Variants in TULP4 observed in about 807,000 individuals in gnomAD.
TULP4 encodes the protein tubby-related protein 4.
A neutral mutation model predicts 129.0 loss-of-function variants in TULP4; 16 were observed. The observed-to-expected ratio is 0.12, with a 90% CI of 0.08 to 0.19. TULP4 has a LOEUF of 0.19. Among genes scored for constraint, TULP4 ranks in the 10% least tolerant of loss-of-function variants. TULP4 has a pLI of 1.00. For missense variants in TULP4, 1,842 were observed against 2,059.1 expected (o/e 0.89, Z 2.04); for synonymous variants, 998 against 854.0 (o/e 1.17, Z -2.94).
Position 158,510,238 on chromosome 6 carries a change from G to T in TULP4, c.*3544G>T, listed in dbSNP as rs1393013402. ...ATAAATCAAAGAATTTCACAGGCTA[G>T]TGTTTTTATCCATAGCCATTGCTCC... On this transcript the variant is annotated 3_prime_UTR_variant, in exon 14 of 14. Transcript: ENST00000367097. 6.6e-6 allele frequency: 1 copy of T among 152,620 alleles called. No homozygotes were observed. The highest frequency in any genetic ancestry group is 1.5e-5 in the Non-Finnish European group (1 of 68,050). The allele number at this position is 152,620 out of a possible 1,614,324, so 9.5% of individuals were successfully genotyped here. A position where few individuals can be genotyped will look rare whatever the true frequency, so the allele number is the denominator to read the frequency against.
In TULP4 at chr6:158,434,391, C is replaced by T. The variant is rs549844681; in HGVS notation, c.543+4494C>T. Among the ~76,000 whole-genome samples the T allele has an allele frequency of 2.0e-5, 3 of 152,110 alleles. No individual in the cohort carries two copies. The South Asian group carries it at 6.2e-4, about 32-fold the overall frequency. On this transcript the variant is annotated intron_variant, in intron 3 of 13. Transcript: ENST00000367097. ...AGGTTTTATAGGGCTTGGGAGCAAA[C>T]CAGAATGACACAAAGAGAAAATGTC...
intron 1 of TULP4, among the ~76,000 whole-genome samples, chr6:158,363,062 C>A (rs1291499412): frequency 2.7e-3 from 240 of 87,822 alleles, no homozygotes; most frequent in Middle Eastern, 5.7e-3. Context: ...GACTCCATCT[C>A]AAAAAAAAAA....
intron 1 of TULP4, among the ~76,000 whole-genome samples, chr6:158,348,564 A>G (rs1209293169): frequency 2.0e-5 from 3 of 152,264 alleles, no homozygotes; most frequent in African/African-American, 7.2e-5. Context: ...GGAGTCTCCT[A>G]TGTCTCCTTC....
chr6:158,478,607 A>G (rs1193987466), intron 6 of TULP4, among the ~76,000 whole-genome samples: 1 of 152,126 alleles, frequency 6.6e-6, no homozygotes, highest in Non-Finnish European at 1.5e-5. Context: ...TTGGCCAACA[A>G]ACACGGCCCT....
intron 1 of TULP4, among the ~76,000 whole-genome samples, chr6:158,317,899 TG>T (rs1779526728): frequency 6.6e-6 from 1 of 152,250 alleles, no homozygotes; most frequent in South Asian, 2.1e-4. Context: ...TGCATTTCTC[TG>T]ATGACCAGTG....
chr6:158,283,138 C>CAA (rs11328037), intron 1 of TULP4, among the ~76,000 whole-genome samples: 2 of 120,412 alleles, frequency 1.7e-5, no homozygotes, highest in African/African-American at 6.4e-5. Flanking sequence ...GACTCCGTCT[C>CAA]AAAAAAAAAA....
At position 158,479,624 on chromosome 6, in the gene TULP4, T is replaced by C. The variant is rs1779893903; in HGVS notation, c.1027-127T>C. 17 of 837,876 alleles carry C rather than the reference T, an allele frequency of 2.0e-5. No homozygotes were observed. In the South Asian group the frequency reaches 2.9e-4, roughly 14 times the overall value. 51.9% of individuals were successfully genotyped at this position (837,876 alleles called of 1,614,324 possible). A position where few individuals can be genotyped will look rare whatever the true frequency, so the allele number is the denominator to read the frequency against. On this transcript the variant is annotated intron_variant, in intron 6 of 13. Transcript: ENST00000367097. ...TAATATAGTGTCTAACATTCTCTACTGTGCTTTTAAAACCAGTATTCTCAA... is the reference window on the plus strand; with the variant it reads ...TAATATAGTGTCTAACATTCTCTACCGTGCTTTTAAAACCAGTATTCTCAA...
intron 5 of TULP4, among the ~76,000 whole-genome samples, chr6:158,460,558 C>A (rs1389862426): frequency 6.6e-6 from 1 of 152,094 alleles, no homozygotes; most frequent in Admixed American, 6.5e-5. Flanking sequence ...CTTTTAATAA[C>A]CATTTCTTAT....
intron 3 of TULP4, among the ~76,000 whole-genome samples, chr6:158,440,390 A>G (rs1460039276): frequency 6.6e-6 from 1 of 151,712 alleles, no homozygotes; most frequent in African/African-American, 2.4e-5. Flanking sequence ...TCTACACTGG[A>G]AACCCTTACT....
rs1466388341 is a variant in TULP4 at position 158,419,166 on chromosome 6, A to G, written c.381+5973A>G. Among the ~76,000 whole-genome samples the G allele has an allele frequency of 2.6e-5, 4 of 152,256 alleles. No individual in the cohort carries two copies. The East Asian group carries it at 7.7e-4, about 29-fold the overall frequency. On this transcript the variant is annotated intron_variant, in intron 2 of 13. Coordinates refer to ENST00000367097, the MANE Select transcript of TULP4 (RefSeq NM_020245.5). ...TTTTTTCAGTAATCTCAGACCAGCT[A>G]TTCAAGAGCTATCTCACAAACCATG...
intron 1 of TULP4, among the ~76,000 whole-genome samples, chr6:158,343,568 A>C (rs1382096519): frequency 6.6e-6 from 1 of 152,094 alleles, no homozygotes; most frequent in African/African-American, 2.4e-5. Context: ...TTTCCCTCAC[A>C]TGAGGATACA....
At chr6:158,254,651 C>T (rs1778212745) in intron 1 of TULP4, among the ~76,000 whole-genome samples, 1 of 152,190 alleles carries the variant, frequency 6.6e-6, no homozygotes. Context: ...GTCTTCACAG[C>T]CACCTTGCAC....
intron 1 of TULP4, among the ~76,000 whole-genome samples, chr6:158,287,304 T>G (rs914279717): frequency 1.9e-4 from 29 of 152,310 alleles, no homozygotes; most frequent in African/African-American, 6.3e-4. Flanking sequence ...TCTCCTGTAG[T>G]TTATTGGCCT....
intron 1 of TULP4, among the ~76,000 whole-genome samples, chr6:158,263,328 G>A (rs1778384873): frequency 6.6e-6 from 1 of 152,206 alleles, no homozygotes; most frequent in Admixed American, 6.5e-5. Flanking sequence ...TGGAGTGAAT[G>A]GCTAAGTGAG....
At chr6:158,432,462 T>C (rs888729478) in intron 3 of TULP4, among the ~76,000 whole-genome samples, 3 of 152,146 alleles carry the variant, frequency 2.0e-5, no homozygotes, top group African/African-American at 7.2e-5. Flanking sequence ...CTTTCTGCCT[T>C]TAATGTGAGT....
Position 158,452,901 on chromosome 6 carries a change from T to C in TULP4, c.859+633T>C, listed in dbSNP as rs1474620064. 6.6e-5 allele frequency among the ~76,000 whole-genome samples: 10 copies of C among 152,372 alleles called. 1 individual carries two copies. In the South Asian group the frequency reaches 1.9e-3, roughly 28 times the overall value. On this transcript the variant is annotated intron_variant, in intron 5 of 13. Coordinates refer to ENST00000367097, the MANE Select transcript of TULP4 (RefSeq NM_020245.5). ...CAGTTCAAGAGTACTGTTGATGTTG[T>C]TGACCCCATTGATGTGAGTTCTATG... is the stretch of plus-strand genomic sequence containing the variant.
chr6:158,474,960 A>T (rs1028567816), intron 6 of TULP4, among the ~76,000 whole-genome samples: 2 of 152,208 alleles, frequency 1.3e-5, no homozygotes, highest in Non-Finnish European at 2.9e-5. Flanking sequence ...CAGAGAATGT[A>T]TTTGATTCAT....
At chr6:158,242,073 T>C (rs571202192) in intron 1 of TULP4, 1 of 803,142 alleles carries the variant, frequency 1.2e-6, no homozygotes, top group East Asian at 2.4e-5. Context: ...GTAGTAGTAT[T>C]TGATTGTAAA....
chr6:158,290,781 T>A (rs1474867465), intron 1 of TULP4, among the ~76,000 whole-genome samples: 1 of 152,208 alleles, frequency 6.6e-6, no homozygotes, highest in Non-Finnish European at 1.5e-5. Flanking sequence ...TTGATCAAAT[T>A]GTCTTTTTTT....
Sources: allele counts gnomAD v4.1 joint callset (sites outside exome capture counted in the v4.1 genomes callset), GRCh38; gene constraint gnomAD v4.1.1; transcripts MANE v1.5; gene names NCBI Gene and HGNC (gene_info 2026-07-23, HGNC 2026-07-21).